DRC11: variants seen among roughly 807,000 people sequenced by gnomAD.
DRC11 encodes the protein dynein regulatory complex subunit 11.
the DRC11 span, among the ~76,000 whole-genome samples, chr2:236,354,682 G>A: frequency 6.6e-6 from 1 of 152,144 alleles, no homozygotes; most frequent in Non-Finnish European, 1.5e-5. Flanking sequence ...CCCTGGTCCC[G>A]CCTTGTCCCC....
chr2:236,434,359 T>C, the DRC11 span, among the ~76,000 whole-genome samples: 2 of 152,228 alleles, frequency 1.3e-5, no homozygotes, highest in African/African-American at 4.8e-5. This position sits in a 1 kb window ranked among gnomAD's most constrained non-coding sequence, Gnocchi z 5.5. Flanking sequence ...TCTCTATTCA[T>C]ACTATGACTA....
chr2:236,408,168 G>A, the DRC11 span: 170 of 717,178 alleles, frequency 2.4e-4, 1 homozygote, highest in Non-Finnish European at 7.9e-6. The surrounding 1 kb of genome is among the most constrained non-coding windows in gnomAD (Gnocchi z 5.5). Flanking sequence ...TGGAGGCATT[G>A]TTCTTGATCA....
At chr2:236,320,248 C>T in the DRC11 span, among the ~76,000 whole-genome samples, 1 of 152,236 alleles carries the variant, frequency 6.6e-6, no homozygotes. Context: ...GCTTGGTTTA[C>T]AGCCCACAGT....
the DRC11 span, chr2:236,331,739 C>T: frequency 1.4e-5 from 9 of 644,458 alleles, no homozygotes; most frequent in Admixed American, 5.6e-5. This position sits in a 1 kb window ranked among gnomAD's most constrained non-coding sequence, Gnocchi z 4.8. Flanking sequence ...TCAAATGAAC[C>T]GAAGCCAAGT....
chr2:236,471,406 G>T, the DRC11 span, among the ~76,000 whole-genome samples: 4 of 152,184 alleles, frequency 2.6e-5, no homozygotes, highest in Non-Finnish European at 4.4e-5. The surrounding 1 kb of genome is among the most constrained non-coding windows in gnomAD (Gnocchi z 4.6). Flanking sequence ...CCCCTCACAA[G>T]AAGTGCATGA....
the DRC11 span, among the ~76,000 whole-genome samples, chr2:236,435,599 G>A: frequency 6.6e-6 from 1 of 152,178 alleles, no homozygotes. Context: ...ATGGTGGTAG[G>A]AGAGAGAAAA....
the DRC11 span, among the ~76,000 whole-genome samples, chr2:236,393,369 G>T: frequency 0.018 from 2,804 of 152,194 alleles, 86 homozygotes; most frequent in African/African-American, 0.063. The surrounding 1 kb of genome is among the most constrained non-coding windows in gnomAD (Gnocchi z 4.7). Flanking sequence ...TCCAAGGCAG[G>T]GGGTGGTGAA....
the DRC11 span, among the ~76,000 whole-genome samples, chr2:236,357,213 A>ATT: frequency 1.8e-5 from 2 of 112,800 alleles, no homozygotes; most frequent in Non-Finnish European, 3.3e-5. Flanking sequence ...ATATTCATAT[A>ATT]GTATATATCT....
the DRC11 span, among the ~76,000 whole-genome samples, chr2:236,505,204 C>A: frequency 6.6e-6 from 1 of 152,130 alleles, no homozygotes; most frequent in Non-Finnish European, 1.5e-5. Context: ...TTAAAAAGAC[C>A]AGACTGTTAT....
At chr2:236,459,508 T>TATATATGTGTATAC in the DRC11 span, among the ~76,000 whole-genome samples, 3 of 102,292 alleles carry the variant, frequency 2.9e-5, no homozygotes, top group African/African-American at 1.1e-4. Flanking sequence ...TATGTATACG[T>TATATATGTGTATAC]ATACGTATAC....
the DRC11 span, among the ~76,000 whole-genome samples, chr2:236,447,792 C>T: frequency 6.7e-6 from 1 of 148,916 alleles, no homozygotes; most frequent in African/African-American, 2.5e-5. The surrounding 1 kb of genome is among the most constrained non-coding windows in gnomAD (Gnocchi z 4.6). Context: ...TTCTGCATCG[C>T]TGGTTCCATT....
the DRC11 span, chr2:236,408,760 T>C: frequency 1.5e-6 from 1 of 679,996 alleles, no homozygotes; most frequent in African/African-American, 1.8e-5. The surrounding 1 kb of genome is among the most constrained non-coding windows in gnomAD (Gnocchi z 5.5). Flanking sequence ...TGAGCGAAGA[T>C]GGTCTTGAAG....
the DRC11 span, among the ~76,000 whole-genome samples, chr2:236,357,907 A>G: frequency 1.8e-4 from 22 of 121,906 alleles, no homozygotes; most frequent in South Asian, 5.0e-3. Flanking sequence ...TAATATATAA[A>G]TATACATATA....
chr2:236,325,598 C>CTTTTTTTTTTTTTTTTT, the DRC11 span, among the ~76,000 whole-genome samples: 1 of 142,154 alleles, frequency 7.0e-6, no homozygotes, highest in Non-Finnish European at 1.5e-5. The surrounding 1 kb of genome is among the most constrained non-coding windows in gnomAD (Gnocchi z 4.4). Flanking sequence ...CTTTGTATGT[C>CTTTTTTTTTTTTTTTTT]TTTTTTTTTT....
At chr2:236,476,820 G>T in the DRC11 span, among the ~76,000 whole-genome samples, 1 of 151,992 alleles carries the variant, frequency 6.6e-6, no homozygotes, top group Non-Finnish European at 1.5e-5. This position sits in a 1 kb window ranked among gnomAD's most constrained non-coding sequence, Gnocchi z 4.7. Flanking sequence ...GTGCCATGGT[G>T]GTTTGCTGCA....
chr2:236,430,655 T>C, the DRC11 span, among the ~76,000 whole-genome samples: 1 of 152,210 alleles, frequency 6.6e-6, no homozygotes. This position sits in a 1 kb window ranked among gnomAD's most constrained non-coding sequence, Gnocchi z 6.0. Flanking sequence ...GCAAATATCA[T>C]TTTGCAGGTG....
At chr2:236,419,921 A>C in the DRC11 span, among the ~76,000 whole-genome samples, 2 of 152,212 alleles carry the variant, frequency 1.3e-5, no homozygotes, top group African/African-American at 4.8e-5. The surrounding 1 kb of genome is among the most constrained non-coding windows in gnomAD (Gnocchi z 4.8). Flanking sequence ...ACTCACTGCC[A>C]TAGAGAGCTG....
At chr2:236,507,398 A>C in the DRC11 span, 1 of 894,168 alleles carries the variant, frequency 1.1e-6, no homozygotes, top group Admixed American at 1.9e-5. Flanking sequence ...TTCTGGAGGG[A>C]GAAACCAGGA....
the DRC11 span, chr2:236,377,290 A>G: frequency 7.6e-6 from 5 of 658,604 alleles, no homozygotes; most frequent in African/African-American, 9.1e-5. This position sits in a 1 kb window ranked among gnomAD's most constrained non-coding sequence, Gnocchi z 4.9. Flanking sequence ...ATCTATTTCA[A>G]AGTACATTTG....
Sources: gnomAD v4.1 joint callset for allele counts (sites outside exome capture counted in the v4.1 genomes callset) on GRCh38, gnomAD v4.1.1 for gene constraint, Gnocchi (gnomAD v3.1) non-coding constraint, MANE v1.5 for transcripts, NCBI Gene and HGNC (gene_info 2026-07-23, HGNC 2026-07-21) for gene names.